SLCO1A2: variants seen among roughly 807,000 people sequenced by gnomAD.
SLCO1A2 encodes the protein OATP-1.
A neutral mutation model predicts 69.0 loss-of-function variants in SLCO1A2; 67 were observed. The observed-to-expected ratio is 0.97, with a 90% CI of 0.80 to 1.19. The LOEUF (loss-of-function observed/expected upper bound fraction) is 1.19, where lower values mean the gene tolerates loss of function less well. Among genes scored for constraint, SLCO1A2 ranks in the 50% most tolerant of loss-of-function variants. The pLI is 0.00. For missense variants in SLCO1A2, 787 were observed against 793.7 expected, an observed-to-expected ratio of 0.99 and a Z score of 0.10; for synonymous variants, 260 against 265.9, an observed-to-expected ratio of 0.98 and a Z score of 0.22.
intron 14 of SLCO1A2, among the ~76,000 whole-genome samples, chr12:21,272,251 AGAT>A (rs1339352413): frequency 2.6e-5 from 4 of 151,858 alleles, no homozygotes; most frequent in African/African-American, 9.7e-5. Context: ...AGATTCATAC[AGAT>A]TATATATGTT....
chr12:21,386,609 G>A (rs1456720120), intron 1 of SLCO1A2, among the ~76,000 whole-genome samples: 1 of 152,062 alleles, frequency 6.6e-6, no homozygotes, highest in African/African-American at 2.4e-5. Context: ...TGCCATGATT[G>A]TGTGGCCCCC....
intron 1 of SLCO1A2, chr12:21,376,504 A>T (rs1394571564): frequency 5.8e-6 from 1 of 171,264 alleles, no homozygotes; most frequent in Non-Finnish European, 1.3e-5. Flanking sequence ...TGTGAATGAG[A>T]TTGATATAGG....
intron 1 of SLCO1A2, among the ~76,000 whole-genome samples, chr12:21,412,041 A>T (rs1442096381): frequency 1.3e-5 from 2 of 152,162 alleles, no homozygotes; most frequent in Admixed American, 1.3e-4. Flanking sequence ...AATATGTTTT[A>T]AAAAGTATTA....
chr12:21,395,133 T>G (rs981798905), exon 1 of SLCO1A2: 1 of 155,672 alleles, frequency 6.4e-6, no homozygotes, highest in Admixed American at 6.5e-5. Flanking sequence ...CACTAGGGAG[T>G]GCCAGACAAT....
chr12:21,348,812 G>C (rs1937702406), intron 2 of SLCO1A2, among the ~76,000 whole-genome samples: 1 of 152,134 alleles, frequency 6.6e-6, no homozygotes, highest in Admixed American at 6.5e-5. Context: ...TTAGGGCAGT[G>C]CAGCTACTCT....
intron 1 of SLCO1A2, among the ~76,000 whole-genome samples, chr12:21,386,623 G>A (rs1940894820): frequency 6.6e-6 from 1 of 152,082 alleles, no homozygotes; most frequent in South Asian, 2.1e-4. Flanking sequence ...GGCCCCCCCA[G>A]CCATGTGGAA....
intron 1 of SLCO1A2, among the ~76,000 whole-genome samples, chr12:21,407,186 G>T (rs1397980129): frequency 1.3e-5 from 2 of 152,168 alleles, no homozygotes; most frequent in Non-Finnish European, 2.9e-5. Flanking sequence ...TGCTTGAAAT[G>T]AAATTCAAAG....
intron 2 of SLCO1A2, among the ~76,000 whole-genome samples, chr12:21,364,390 A>C (rs568426144): frequency 2.6e-5 from 4 of 152,320 alleles, no homozygotes; most frequent in African/African-American, 9.6e-5. Context: ...TATTGATGGG[A>C]TGTATCTCAA....
At chr12:21,273,588 T>G (rs1943276491) in intron 14 of SLCO1A2, among the ~76,000 whole-genome samples, 1 of 152,156 alleles carries the variant, frequency 6.6e-6, no homozygotes, top group Non-Finnish European at 1.5e-5. Flanking sequence ...CAGGAGACTA[T>G]CAACAAGAAT....
chr12:21,330,920 T>C (rs955469838), intron 2 of SLCO1A2, among the ~76,000 whole-genome samples: 1 of 152,160 alleles, frequency 6.6e-6, no homozygotes, highest in Non-Finnish European at 1.5e-5. Context: ...TTGACATAAA[T>C]ATTTCTCTTT....
At chr12:21,364,127 A>G (rs1939173053) in intron 2 of SLCO1A2, among the ~76,000 whole-genome samples, 1 of 152,212 alleles carries the variant, frequency 6.6e-6, no homozygotes, top group Non-Finnish European at 1.5e-5. Context: ...TCCCTGATGA[A>G]CATCGATGCA....
At chr12:21,299,493 GAAC>G (rs1188770572) in intron 8 of SLCO1A2, among the ~76,000 whole-genome samples, 1 of 150,796 alleles carries the variant, frequency 6.6e-6, no homozygotes, top group East Asian at 1.9e-4. Context: ...CTTCCTTGGA[GAAC>G]TGCTTCTGTT....
At chr12:21,390,468 G>C (rs1009973908) in intron 1 of SLCO1A2, among the ~76,000 whole-genome samples, 10 of 152,034 alleles carry the variant, frequency 6.6e-5, no homozygotes, top group African/African-American at 1.4e-4. Context: ...ATGTGGTTGT[G>C]GAAGAATAAA....
intron 2 of SLCO1A2, among the ~76,000 whole-genome samples, chr12:21,371,889 C>G (rs1939821946): frequency 6.6e-6 from 1 of 152,074 alleles, no homozygotes; most frequent in South Asian, 2.1e-4. Context: ...GTAATCCCAG[C>G]TACTCTGTAG....
At chr12:21,348,260 TTTAAG>T (rs572210921) in intron 2 of SLCO1A2, among the ~76,000 whole-genome samples, 84 of 152,326 alleles carry the variant, frequency 5.5e-4, no homozygotes, top group South Asian at 3.5e-3. Context: ...AGTTACACTC[TTTAAG>T]TTATTTTAAA....
chr12:21,339,682 C>A (rs747321343), upstream of SLCO1A2, among the ~76,000 whole-genome samples: 2 of 151,856 alleles, frequency 1.3e-5, no homozygotes, highest in Non-Finnish European at 2.9e-5. Flanking sequence ...ACTCCCACTC[C>A]AAAGGCTATA....
intron 1 of SLCO1A2, among the ~76,000 whole-genome samples, chr12:21,394,268 T>C (rs927247260): frequency 6.6e-6 from 1 of 152,114 alleles, no homozygotes; most frequent in African/African-American, 2.4e-5. Flanking sequence ...GTCAGTGCAG[T>C]GGGCTGTGAT....
At chr12:21,419,608 G>C (rs977178470), upstream of SLCO1A2, 1 of 166,072 alleles carries the variant, frequency 6.0e-6, no homozygotes. Context: ...ACAGCAGTCT[G>C]AGATCAATCT....
chr12:21,340,899 A>C (rs1953047688), intron 2 of SLCO1A2, among the ~76,000 whole-genome samples: 1 of 152,018 alleles, frequency 6.6e-6, no homozygotes, highest in Non-Finnish European at 1.5e-5. Flanking sequence ...TTAATATAAC[A>C]TACAATGTGA....
Sources: gnomAD v4.1 joint callset for allele counts (sites outside exome capture counted in the v4.1 genomes callset) on GRCh38, gnomAD v4.1.1 for gene constraint, MANE v1.5 for transcripts, NCBI Gene and HGNC (gene_info 2026-07-23, HGNC 2026-07-21) for gene names.